The following TRAPPC6A variants were observed in gnomAD, a reference collection of about 807,000 sequenced individuals.
TRAPPC6A encodes the protein TRAPP complex subunit 6A.
Under a neutral mutation model 20.8 loss-of-function variants are expected in TRAPPC6A, and 25 were observed. The observed-to-expected ratio is 1.20, with a 90% CI of 0.88 to 1.68. The LOEUF (loss-of-function observed/expected upper bound fraction) is 1.68, where lower values mean the gene tolerates loss of function less well. Ranked by LOEUF, TRAPPC6A falls within the 40% of genes most tolerant of loss-of-function variation. The pLI, the probability that TRAPPC6A is intolerant of heterozygous loss-of-function variation, is 0.00. For synonymous variants in TRAPPC6A, 96 were observed against 93.3 expected (o/e 1.03, Z -0.16); for missense variants, 215 against 211.6 (o/e 1.02, Z -0.10).
rs1036233360 is a variant in TRAPPC6A at position 45,163,166 on chromosome 19, T to A, written c.*26A>T. The A allele has an allele frequency of 8.1e-6, 13 of 1,613,582 alleles. No homozygotes were observed. The highest frequency in any genetic ancestry group is 1.7e-5 in the Admixed American group (1 of 59,962). Reference sequence around the variant, plus strand: ...AGGCCGGTGAGGCCAGGGGCAGCAGTGCGGCTCAGCAGGTGCGAGGCAGGC... The same window carrying A: ...AGGCCGGTGAGGCCAGGGGCAGCAGAGCGGCTCAGCAGGTGCGAGGCAGGC... On this transcript the variant is annotated 3_prime_UTR_variant, in exon 6 of 6. Coordinates refer to ENST00000585934, the MANE Select transcript of TRAPPC6A (RefSeq NM_001270891.2). This position sits in a 1 kb window ranked among gnomAD's most constrained non-coding sequence, Gnocchi z 5.3.
At chr19:45,165,072 G>C in intron 2 of TRAPPC6A, 55 bp downstream of exon 2, 1 of 1,610,650 alleles carries the variant, frequency 6.2e-7, no homozygotes, top group Non-Finnish European at 8.5e-7. Flanking sequence ...CCCCGCCCGG[G>C]GCCTGCCCAG....
At chr19:45,168,063 C>T (rs765620606) in intron 1 of TRAPPC6A, among the ~76,000 whole-genome samples, 7 of 132,672 alleles carry the variant, frequency 5.3e-5, no homozygotes, top group Non-Finnish European at 9.2e-5. Context: ...AGTGCAGTGG[C>T]GCAATCTCGG....
At position 45,163,121 on chromosome 19, in the gene TRAPPC6A, AGCGGCCCCACCGTCTCCT is replaced by A; in HGVS notation, c.*53_*70del. On this transcript the variant is annotated 3_prime_UTR_variant, in exon 6 of 6. Coordinates refer to ENST00000585934, the MANE Select transcript of TRAPPC6A (RefSeq NM_001270891.2). The surrounding 1 kb of genome is among the most constrained non-coding windows in gnomAD (Gnocchi z 5.3). ...GATTCCCAAGACCACCCCGAAATGC[AGCGGCCCCACCGTCTCCT>A]GAGGCCGGTGAGGCCAGGGGCAGCA... The A allele has an allele frequency of 6.3e-7, 1 of 1,581,872 alleles. No individual in the cohort carries two copies. The highest frequency in any genetic ancestry group is 8.7e-7 in the Non-Finnish European group (1 of 1,153,690).
chr19:45,175,910 G>A (rs1969362581), intron 1 of TRAPPC6A, among the ~76,000 whole-genome samples: 1 of 152,138 alleles, frequency 6.6e-6, no homozygotes, highest in Non-Finnish European at 1.5e-5. Flanking sequence ...CAATGTACCA[G>A]ACACTTTACT....
Position 45,178,152 on chromosome 19 carries a change from G to C in TRAPPC6A, c.67C>G (p.Pro23Ala), listed in dbSNP as rs1362281188. 2 of 1,613,098 alleles carry C rather than the reference G, an allele frequency of 1.2e-6. No homozygotes were observed. Among genetic ancestry groups the C allele is most frequent in the African/African-American group, 1.3e-5 (1 of 74,914 alleles). The change falls in exon 1 of 6, where the codon CCC (proline) becomes GCC (alanine). Residue 23 changes from proline to alanine, a missense_variant. Physicochemically the swap from Pro to Ala is conservative, Grantham distance 27 (BLOSUM62 -1). Coordinates refer to ENST00000585934, the MANE Select transcript of TRAPPC6A (RefSeq NM_001270891.2). ...EMVAELWAHD[P>A]DPGPGGQKMS... The stretch of plus-strand genomic sequence containing the variant: ...GCGCTCACCCCCGGGCCGGGGTCGG[G>C]GTCGTGAGCCCACAGCTCAGCCACC...
rs921638399 is a variant in TRAPPC6A at position 45,163,124 on chromosome 19, G to A, written c.*68C>T. ...TCCCAAGACCACCCCGAAATGCAGCGGCCCCACCGTCTCCTGAGGCCGGTG... is the reference window on the plus strand; with the variant it reads ...TCCCAAGACCACCCCGAAATGCAGCAGCCCCACCGTCTCCTGAGGCCGGTG... On this transcript the variant is annotated 3_prime_UTR_variant, in exon 6 of 6. Coordinates refer to ENST00000585934, the MANE Select transcript of TRAPPC6A (RefSeq NM_001270891.2). The surrounding 1 kb of genome is among the most constrained non-coding windows in gnomAD (Gnocchi z 5.3). The A allele has an allele frequency of 2.8e-5, 45 of 1,587,678 alleles. No homozygotes were observed. Among genetic ancestry groups the A allele is most frequent in the South Asian group, 2.3e-4 (21 of 90,294 alleles).
chr19:45,173,325 G>A lies in TRAPPC6A; in HGVS notation c.84+4810C>T, dbSNP rs988298447. 5.3e-5 allele frequency among the ~76,000 whole-genome samples: 8 copies of A among 151,584 alleles called. No homozygotes were observed. Among genetic ancestry groups the A allele is most frequent in the Non-Finnish European group, 8.8e-5 (6 of 67,920 alleles). On this transcript the variant is annotated intron_variant, in intron 1 of 5. Coordinates refer to ENST00000585934, the MANE Select transcript of TRAPPC6A (RefSeq NM_001270891.2). This position sits in a 1 kb window ranked among gnomAD's most constrained non-coding sequence, Gnocchi z 4.8. ...AGGAGAATGGCCACAAATAACCACC[G>A]TACCAGGCAGGATAGGAGGTCACAA...
chr19:45,170,569 A>C (rs1969248325), intron 1 of TRAPPC6A, among the ~76,000 whole-genome samples: 1 of 152,192 alleles, frequency 6.6e-6, no homozygotes, highest in African/African-American at 2.4e-5. Flanking sequence ...GGGTTCCAGC[A>C]AGTTCAGCTT....
rs1969127751 is a variant in TRAPPC6A, at chr19:45,165,293, T to C, written c.85-99A>G. 5.1e-6 allele frequency: 6 copies of C among 1,171,982 alleles called. No individual in the cohort carries two copies. In the South Asian group the frequency reaches 7.9e-5, roughly 15 times the overall value. The allele number at this position is 1,171,982 out of a possible 1,614,324, so 72.6% of individuals were successfully genotyped here. On this transcript the variant is annotated intron_variant, in intron 1 of 5. Transcript: ENST00000585934. ...CCAGGGGACCCAAAGACCAACTTGC[T>C]GGTGCTCGTCAGTTCAGGGGTGAGC...
intron 1 of TRAPPC6A, 107 bp from the exon 2 acceptor site, chr19:45,165,301 G>C: frequency 3.7e-6 from 4 of 1,077,476 alleles, no homozygotes; most frequent in Admixed American, 2.0e-5. Flanking sequence ...GCTGGTGCTC[G>C]TCAGTTCAGG....
At chr19:45,164,311 A>G in intron 3 of TRAPPC6A, 64 bp from the exon 4 acceptor site, 2 of 1,099,988 alleles carry the variant, frequency 1.8e-6, no homozygotes, top group South Asian at 3.1e-5. Context: ...CAGGGAGGGT[A>G]AGCAGGAACC....
chr19:45,165,272 G>A, intron 1 of TRAPPC6A, 78 bp from the exon 2 acceptor site: 2 of 1,406,784 alleles, frequency 1.4e-6, no homozygotes, highest in Non-Finnish European at 2.0e-6. Flanking sequence ...GACCTGCCAG[G>A]GGACCCAAAG....
chr19:45,176,951 G>A (rs1351014145), intron 1 of TRAPPC6A, among the ~76,000 whole-genome samples: 2 of 147,566 alleles, frequency 1.4e-5, no homozygotes, highest in African/African-American at 2.5e-5. Flanking sequence ...GGCAGATCAC[G>A]AGGTCAGAAG....
chr19:45,171,954 G>A (rs1048149865), intron 1 of TRAPPC6A, among the ~76,000 whole-genome samples: 6 of 152,070 alleles, frequency 3.9e-5, no homozygotes, highest in Non-Finnish European at 7.4e-5. Context: ...TGCACTCAGG[G>A]GAATCCTCTC....
rs28555639 is a variant in TRAPPC6A at position 45,173,106 on chromosome 19, T to A, written c.84+5029A>T. On this transcript the variant is annotated intron_variant, in intron 1 of 5. Transcript: ENST00000585934. This position sits in a 1 kb window ranked among gnomAD's most constrained non-coding sequence, Gnocchi z 4.8. ...GCGCCTCGGGCCTGGTCTCAGACAA[T>A]GGGTGACAGCGCCTTAGCTCTTTAC... Among the ~76,000 whole-genome samples the A allele has an allele frequency of 0.13, 20,377 of 151,354 alleles. 1,610 individuals carry two copies. The highest frequency in any genetic ancestry group is 0.21 in the Middle Eastern group (62 of 292).
At position 45,163,349 on chromosome 19, in the gene TRAPPC6A, C is replaced by A; in HGVS notation, c.449-126G>T. On this transcript the variant is annotated intron_variant, in intron 5 of 5. Transcript: ENST00000585934. The surrounding 1 kb of genome is among the most constrained non-coding windows in gnomAD (Gnocchi z 5.3). ...CAGTGGCTAGGTTGGGCTGTTTCCT[C>A]CCGCCCACGGGGCCGCATCCCTGAG... 9.6e-7 allele frequency: 1 copy of A among 1,042,932 alleles called. No individual in the cohort carries two copies. Among genetic ancestry groups the A allele is most frequent in the Non-Finnish European group, 1.4e-6 (1 of 696,676 alleles). The allele number at this position is 1,042,932 out of a possible 1,614,324, so 64.6% of individuals were successfully genotyped here.
At chr19:45,176,417 T>C (rs1599741807) in intron 1 of TRAPPC6A, among the ~76,000 whole-genome samples, 2 of 151,920 alleles carry the variant, frequency 1.3e-5, no homozygotes, top group Non-Finnish European at 2.9e-5. Flanking sequence ...TGAGCCAAGA[T>C]TGCGCCACTG....
intron 1 of TRAPPC6A, among the ~76,000 whole-genome samples, chr19:45,170,314 C>T (rs181348575): frequency 3.8e-4 from 58 of 152,320 alleles, no homozygotes; most frequent in African/African-American, 1.3e-3. Flanking sequence ...GTGCAATGGC[C>T]GGCTTCACTA....
In TRAPPC6A at chr19:45,163,120, C is replaced by T; in HGVS notation, c.*72G>A. 1 of 1,581,362 alleles carries T rather than the reference C, an allele frequency of 6.3e-7. No homozygotes were observed. ...GGATTCCCAAGACCACCCCGAAATG[C>T]AGCGGCCCCACCGTCTCCTGAGGCC... is the stretch of plus-strand genomic sequence containing the variant. On this transcript the variant is annotated 3_prime_UTR_variant, in exon 6 of 6. Transcript: ENST00000585934. The surrounding 1 kb of genome is among the most constrained non-coding windows in gnomAD (Gnocchi z 5.3).
Sources: allele counts gnomAD v4.1 joint callset (sites outside exome capture counted in the v4.1 genomes callset), GRCh38; gene constraint gnomAD v4.1.1; non-coding constraint Gnocchi (gnomAD v3.1); transcripts MANE v1.5; gene names NCBI Gene and HGNC (gene_info 2026-07-23, HGNC 2026-07-21).